The following OSBP2 variants were observed in gnomAD, a reference collection of about 807,000 sequenced individuals.
OSBP2 encodes oxysterol-binding protein 2.
Under a neutral mutation model 96.0 loss-of-function variants are expected in OSBP2, and 66 were observed. That is an observed-to-expected ratio of 0.69 (90% CI 0.56 to 0.84). The LOEUF (loss-of-function observed/expected upper bound fraction) is 0.84. Among genes scored for constraint, OSBP2 ranks in the 40% least tolerant of loss-of-function variants. The probability of loss-of-function intolerance (pLI) is 0.00; values close to 1 mark genes in which losing one functional copy is unlikely to be tolerated. For synonymous variants in OSBP2, 525 were observed against 520.9 expected (o/e 1.01, Z -0.11); for missense variants, 1,038 against 1,222.7 (o/e 0.85, Z 2.25).
intron 2 of OSBP2, among the ~76,000 whole-genome samples, chr22:30,846,384 C>G (rs892238341): frequency 2.0e-5 from 3 of 152,142 alleles, no homozygotes; most frequent in South Asian, 4.2e-4. Context: ...CTCCTGACCT[C>G]AAGTGATCCA....
At chr22:30,814,591 C>T (rs2146965112) in intron 2 of OSBP2, among the ~76,000 whole-genome samples, 1 of 151,936 alleles carries the variant, frequency 6.6e-6, no homozygotes, top group East Asian at 2.0e-4. Flanking sequence ...CCACCACTCT[C>T]AGCTATTTTT....
chr22:30,738,426 C>G (rs530288040), intron 1 of OSBP2, among the ~76,000 whole-genome samples: 1 of 152,294 alleles, frequency 6.6e-6, no homozygotes, highest in East Asian at 1.9e-4. Context: ...ATTAGAGTGA[C>G]TGTCCTTCGA....
chr22:30,786,732 G>C (rs1270718384), intron 2 of OSBP2, among the ~76,000 whole-genome samples: 3 of 146,316 alleles, frequency 2.1e-5, no homozygotes, highest in African/African-American at 7.6e-5. Flanking sequence ...GGTGGGGTGG[G>C]GTGGGGTGGG....
At chr22:30,699,787 C>T (rs183318047) in intron 1 of OSBP2, among the ~76,000 whole-genome samples, 71 of 152,246 alleles carry the variant, frequency 4.7e-4, no homozygotes, top group African/African-American at 1.6e-3. Flanking sequence ...GAAGAAAGCA[C>T]ATTTTACCAA....
At chr22:30,757,024 G>C (rs1296177197) in intron 2 of OSBP2, among the ~76,000 whole-genome samples, 1 of 150,108 alleles carries the variant, frequency 6.7e-6, no homozygotes, top group Admixed American at 6.6e-5. Flanking sequence ...TCAAACGCAG[G>C]GTATCTGCTG....
At chr22:30,868,892 C>G (rs1207784599) in intron 2 of OSBP2, among the ~76,000 whole-genome samples, 3 of 152,250 alleles carry the variant, frequency 2.0e-5, no homozygotes, top group Non-Finnish European at 4.4e-5. Context: ...TCACAGTATG[C>G]ATTATTTTTC....
chr22:30,804,289 G>A (rs1333370380), intron 2 of OSBP2, among the ~76,000 whole-genome samples: 1 of 152,208 alleles, frequency 6.6e-6, no homozygotes, highest in African/African-American at 2.4e-5. Context: ...AGCCATGTGA[G>A]ATGCCTGTTC....
rs150869551 is a variant in OSBP2, at chr22:30,751,646, C to T, written c.853+10277C>T. On this transcript the variant is annotated intron_variant, in intron 2 of 13. Coordinates refer to ENST00000332585, the MANE Select transcript of OSBP2 (RefSeq NM_030758.4). ...CTGGGATTACAGGCGTGAGCCACTG[C>T]GCCCAGCCCTCTTCAAATATTTTAC... is the stretch of plus-strand genomic sequence containing the variant. 5.5e-3 allele frequency among the ~76,000 whole-genome samples: 832 copies of T among 152,288 alleles called. 7 individuals are homozygous for T. Among genetic ancestry groups the T allele is most frequent in the African/African-American group, 0.019 (782 of 41,570 alleles).
intron 2 of OSBP2, among the ~76,000 whole-genome samples, chr22:30,855,436 A>C (rs907845454): frequency 7.2e-5 from 11 of 152,344 alleles, no homozygotes; most frequent in Middle Eastern, 3.4e-3. Context: ...CCCACAGCAC[A>C]GGCGTGTGGT....
intron 3 of OSBP2, among the ~76,000 whole-genome samples, chr22:30,874,343 T>C (rs534891430): frequency 6.0e-5 from 9 of 150,932 alleles, no homozygotes; most frequent in African/African-American, 2.0e-4. Flanking sequence ...ACCCAGGAGA[T>C]GGAGGTTGCA....
chr22:30,881,887 G>T lies in OSBP2; in HGVS notation c.1108-5539G>T. ...CAGCTCATGTGCTGTGGGGGTAAAGGTCTTGGGTGCAGCCACATGAGGCCT... is the reference window on the plus strand; with the variant it reads ...CAGCTCATGTGCTGTGGGGGTAAAGTTCTTGGGTGCAGCCACATGAGGCCT... On this transcript the variant is annotated intron_variant, in intron 3 of 13. Transcript: ENST00000332585. The surrounding 1 kb of genome is among the most constrained non-coding windows in gnomAD (Gnocchi z 4.5). The T allele has an allele frequency of 8.3e-7, 1 of 1,201,470 alleles. No homozygotes were observed. Among genetic ancestry groups the T allele is most frequent in the Non-Finnish European group, 1.1e-6 (1 of 905,084 alleles). The allele number at this position is 1,201,470 out of a possible 1,614,324, so 74.4% of individuals were successfully genotyped here. A position where few individuals can be genotyped will look rare whatever the true frequency, so the allele number is the denominator to read the frequency against.
intron 2 of OSBP2, among the ~76,000 whole-genome samples, chr22:30,861,064 G>T (rs1200346587): frequency 6.6e-6 from 1 of 152,160 alleles, no homozygotes; most frequent in Non-Finnish European, 1.5e-5. Context: ...ATGTGCCCTG[G>T]TTCCCCCAGT....
intron 2 of OSBP2, among the ~76,000 whole-genome samples, chr22:30,781,537 C>T (rs1331566155): frequency 6.6e-6 from 1 of 152,102 alleles, no homozygotes; most frequent in Non-Finnish European, 1.5e-5. Flanking sequence ...GGGTGATGTG[C>T]GATCACAAAT....
intron 13 of OSBP2, 52 bp from the exon 14 acceptor site, chr22:30,906,145 C>T (rs981836152): frequency 9.9e-6 from 16 of 1,612,006 alleles, no homozygotes; most frequent in African/African-American, 2.7e-5. Context: ...GGACGGATTC[C>T]GGGGGAGCAG....
Position 30,706,092 on chromosome 22 carries a change from C to G in OSBP2, c.644+10539C>G, listed in dbSNP as rs1287867575. Among the ~76,000 whole-genome samples, 8 of 152,216 alleles carry G rather than the reference C, an allele frequency of 5.3e-5. No individual in the cohort carries two copies. The East Asian group carries it at 1.4e-3, about 26-fold the overall frequency. ...GAAAGAGAGGGGAAATGGGCCTGTT[C>G]CCTGGATGACTGCTGGATGCTGACA... On this transcript the variant is annotated intron_variant, in intron 1 of 13. Coordinates refer to ENST00000332585, the MANE Select transcript of OSBP2 (RefSeq NM_030758.4).
At chr22:30,724,144 A>G (rs1395754213) in intron 1 of OSBP2, among the ~76,000 whole-genome samples, 2 of 152,198 alleles carry the variant, frequency 1.3e-5, no homozygotes, top group African/African-American at 4.8e-5. Flanking sequence ...CACAGTATAT[A>G]CAGTATTTAG....
At chr22:30,872,233 C>T (rs1206494106) in intron 3 of OSBP2, 2 of 456,460 alleles carry the variant, frequency 4.4e-6, no homozygotes, top group East Asian at 6.9e-5. Context: ...GATTGCTGTA[C>T]TTCTACCAGG....
intron 1 of OSBP2, among the ~76,000 whole-genome samples, chr22:30,726,041 A>G (rs1369155250): frequency 6.6e-6 from 1 of 152,052 alleles, no homozygotes; most frequent in Admixed American, 6.6e-5. Context: ...CAGCCTCCCA[A>G]AGTGCTGGGA....
At chr22:30,856,096 A>T (rs2039070755) in intron 2 of OSBP2, among the ~76,000 whole-genome samples, 1 of 152,182 alleles carries the variant, frequency 6.6e-6, no homozygotes. Flanking sequence ...GGTCCTGAGG[A>T]CTGGGGTAGA....
Sources: allele counts gnomAD v4.1 joint callset (sites outside exome capture counted in the v4.1 genomes callset), GRCh38; gene constraint gnomAD v4.1.1; non-coding constraint Gnocchi (gnomAD v3.1); transcripts MANE v1.5; gene names NCBI Gene and HGNC (gene_info 2026-07-23, HGNC 2026-07-21).